Variants in TENM2 observed in about 807,000 individuals in gnomAD.
The protein encoded by TENM2 is teneurin transmembrane protein 2.
A neutral mutation model predicts 245.2 loss-of-function variants in TENM2; 52 were observed. The observed-to-expected ratio is 0.21, with a 90% CI of 0.17 to 0.27. TENM2 has a LOEUF of 0.27. Among genes scored for constraint, TENM2 ranks in the 10% least tolerant of loss-of-function variants. TENM2 has a pLI of 1.00. For synonymous variants in TENM2, 1,363 were observed against 1,438.9 expected (o/e 0.95, Z 1.19); for missense variants, 3,046 against 3,666.8 (o/e 0.83, Z 4.37).
chr5:167,028,758 G>A, the TENM2 span, among the ~76,000 whole-genome samples: 1 of 151,646 alleles, frequency 6.6e-6, no homozygotes, highest in African/African-American at 2.4e-5. Context: ...CAATGTGTCC[G>A]CTCAGTAAGG....
At chr5:167,931,515 CA>C (rs1263536800) in intron 3 of TENM2, among the ~76,000 whole-genome samples, 1 of 138,200 alleles carries the variant, frequency 7.2e-6, no homozygotes, top group African/African-American at 2.8e-5. Flanking sequence ...CAGATAATAC[CA>C]GAAGGGAGAG....
intron 2 of TENM2, among the ~76,000 whole-genome samples, chr5:167,795,177 T>A (rs891230237): frequency 2.0e-5 from 3 of 152,164 alleles, no homozygotes; most frequent in African/African-American, 7.2e-5. Context: ...TGGAGAATCC[T>A]CACCCTTAGG....
chr5:167,818,370 C>T (rs569682245), intron 2 of TENM2, among the ~76,000 whole-genome samples: 9 of 152,178 alleles, frequency 5.9e-5, no homozygotes, highest in African/African-American at 2.2e-4. Context: ...GTGTGAACCT[C>T]GTCAGTGTAA....
At chr5:167,564,476 G>A (rs575371353) in intron 2 of TENM2, among the ~76,000 whole-genome samples, 43 of 152,298 alleles carry the variant, frequency 2.8e-4, no homozygotes, top group African/African-American at 1.0e-3. Flanking sequence ...TTGAGGAGGA[G>A]TAAGATTATC....
intron 2 of TENM2, among the ~76,000 whole-genome samples, chr5:167,608,677 T>G (rs1313419256): frequency 6.6e-6 from 1 of 152,184 alleles, no homozygotes; most frequent in Non-Finnish European, 1.5e-5. Flanking sequence ...GAGCGCTACC[T>G]GTCATACTAA....
At chr5:167,863,164 G>A (rs575565740) in intron 2 of TENM2, among the ~76,000 whole-genome samples, 2 of 152,286 alleles carry the variant, frequency 1.3e-5, no homozygotes, top group South Asian at 4.1e-4. Flanking sequence ...CTGCTAGATG[G>A]TATTGTTGGA....
At chr5:167,064,522 T>C in the TENM2 span, among the ~76,000 whole-genome samples, 1 of 152,156 alleles carries the variant, frequency 6.6e-6, no homozygotes, top group Non-Finnish European at 1.5e-5. Context: ...AAGCAGATGA[T>C]ATTTAAGTAC....
intron 2 of TENM2, among the ~76,000 whole-genome samples, chr5:167,804,516 G>T (rs111345375): frequency 5.9e-5 from 9 of 152,162 alleles, no homozygotes; most frequent in African/African-American, 2.2e-4. Context: ...TCTGCTCTTT[G>T]TTGACTATAT....
At chr5:167,166,508 CG>C in the TENM2 span, among the ~76,000 whole-genome samples, 1 of 152,124 alleles carries the variant, frequency 6.6e-6, no homozygotes, top group South Asian at 2.1e-4. Context: ...TTTGTGAAAA[CG>C]TTTTTTAAAC....
At chr5:167,717,779 A>G (rs1319586710) in intron 2 of TENM2, among the ~76,000 whole-genome samples, 1 of 152,170 alleles carries the variant, frequency 6.6e-6, no homozygotes, top group African/African-American at 2.4e-5. Flanking sequence ...AGCGGGATTG[A>G]TTAAAATAAA....
chr5:168,228,045 T>G, exon 25 of TENM2: 3 of 1,613,890 alleles, frequency 1.9e-6, no homozygotes. Context: ...TCCCTGCCTA[T>G]GGAGAATGGC....
At chr5:167,300,830 G>A (rs1755267177) in intron 1 of TENM2, among the ~76,000 whole-genome samples, 1 of 152,128 alleles carries the variant, frequency 6.6e-6, no homozygotes, top group South Asian at 2.1e-4. Flanking sequence ...GGAATAGTCA[G>A]GGAAGCCCAT....
At chr5:168,155,279 A>G (rs1757051886) in intron 12 of TENM2, among the ~76,000 whole-genome samples, 2 of 152,018 alleles carry the variant, frequency 1.3e-5, no homozygotes, top group South Asian at 4.1e-4. Flanking sequence ...GTAATGGCAG[A>G]CTCTATTATT....
intron 10 of TENM2, among the ~76,000 whole-genome samples, chr5:168,119,937 G>T (rs1393981993): frequency 6.6e-6 from 1 of 152,200 alleles, no homozygotes; most frequent in Non-Finnish European, 1.5e-5. Context: ...CAGGTTTTAT[G>T]AGGTTCTCAG....
chr5:168,155,974 T>C (rs753139729), intron 12 of TENM2, among the ~76,000 whole-genome samples: 86 of 151,556 alleles, frequency 5.7e-4, no homozygotes, highest in Non-Finnish European at 1.0e-3. Context: ...TCAGCACATA[T>C]TTCTTGAATG....
At chr5:168,056,186 C>T (rs1369288218) in intron 6 of TENM2, among the ~76,000 whole-genome samples, 2 of 152,278 alleles carry the variant, frequency 1.3e-5, no homozygotes, top group African/African-American at 4.8e-5. Flanking sequence ...GAGATCTGTC[C>T]TCCTGGACAT....
At chr5:167,236,294 A>G in the TENM2 span, among the ~76,000 whole-genome samples, 1 of 152,172 alleles carries the variant, frequency 6.6e-6, no homozygotes, top group Non-Finnish European at 1.5e-5. Context: ...ATGTGCGTGT[A>G]TTTTAAGCTG....
chr5:167,566,904 T>C (rs1773943144), intron 2 of TENM2, among the ~76,000 whole-genome samples: 1 of 152,204 alleles, frequency 6.6e-6, no homozygotes, highest in African/African-American at 2.4e-5. Flanking sequence ...TTCCAATTAC[T>C]ATGCAAAACA....
intron 2 of TENM2, among the ~76,000 whole-genome samples, chr5:167,696,625 G>GA: frequency 6.6e-6 from 1 of 152,352 alleles, no homozygotes; most frequent in Non-Finnish European, 1.5e-5. Context: ...AACAGATGGT[G>GA]AAAGGATTAT....
Sources: gnomAD v4.1 joint callset for allele counts (sites outside exome capture counted in the v4.1 genomes callset) on GRCh38, gnomAD v4.1.1 for gene constraint, MANE v1.5 for transcripts, NCBI Gene and HGNC (gene_info 2026-07-23, HGNC 2026-07-21) for gene names.